NPAS3: variants seen among roughly 807,000 people sequenced by gnomAD.
NPAS3 encodes neuronal PAS domain-containing protein 3.
NPAS3 carries 14 observed loss-of-function variants against 73.1 expected under a neutral mutation model. That is an observed-to-expected ratio of 0.19 (90% CI 0.13 to 0.30). NPAS3 has a LOEUF of 0.30. Among genes scored for constraint, NPAS3 ranks in the 10% least tolerant of loss-of-function variants. The probability of loss-of-function intolerance (pLI) is 1.00; values close to 1 mark genes in which losing one functional copy is unlikely to be tolerated. For missense variants in NPAS3, 1,096 were observed against 1,250.0 expected, an observed-to-expected ratio of 0.88 and a Z score of 1.86; for synonymous variants, 620 against 541.5, an observed-to-expected ratio of 1.14 and a Z score of -2.01.
intron 5 of NPAS3, among the ~76,000 whole-genome samples, chr14:33,562,156 T>C (rs1291471624): frequency 2.0e-5 from 3 of 152,232 alleles, no homozygotes; most frequent in Non-Finnish European, 4.4e-5. Flanking sequence ...AAGAAAAATT[T>C]GGCTTTAACC....
At chr14:33,328,828 A>G (rs889738760) in intron 3 of NPAS3, among the ~76,000 whole-genome samples, 1 of 151,812 alleles carries the variant, frequency 6.6e-6, no homozygotes, top group African/African-American at 2.4e-5. Flanking sequence ...TGTTTCCTGA[A>G]ATTTGTATTT....
chr14:33,531,872 G>C (rs748181014), intron 4 of NPAS3, among the ~76,000 whole-genome samples: 51 of 152,184 alleles, frequency 3.4e-4, no homozygotes, highest in Non-Finnish European at 6.6e-4. Context: ...ATTCTGATAG[G>C]TGTGTGCTGG....
chr14:33,325,238 A>G (rs2043643582), intron 3 of NPAS3, among the ~76,000 whole-genome samples: 1 of 152,154 alleles, frequency 6.6e-6, no homozygotes, highest in African/African-American at 2.4e-5. Flanking sequence ...ATATTTTGAT[A>G]TAGGCGTGCA....
chr14:33,174,013 C>A (rs771781104), intron 2 of NPAS3, among the ~76,000 whole-genome samples: 15 of 152,196 alleles, frequency 9.9e-5, no homozygotes, highest in Non-Finnish European at 2.2e-4. Context: ...ATATTCGAAG[C>A]AAGTTCCTAT....
chr14:33,089,969 G>T (rs1360672218), intron 2 of NPAS3, among the ~76,000 whole-genome samples: 1 of 152,088 alleles, frequency 6.6e-6, no homozygotes, highest in East Asian at 1.9e-4. Flanking sequence ...GTCACCACCA[G>T]GTCTGCCCTA....
intron 2 of NPAS3, among the ~76,000 whole-genome samples, chr14:33,118,352 A>G (rs907051911): frequency 2.0e-5 from 3 of 152,146 alleles, no homozygotes; most frequent in African/African-American, 7.2e-5. Flanking sequence ...AATTGATTTA[A>G]TGACACTATA....
intron 4 of NPAS3, among the ~76,000 whole-genome samples, chr14:33,393,421 A>G (rs545193476): frequency 2.0e-5 from 3 of 152,220 alleles, no homozygotes; most frequent in African/African-American, 4.8e-5. Context: ...ACTATGCACT[A>G]CTTCATGCAT....
At chr14:33,010,798 A>G (rs910230288) in intron 1 of NPAS3, among the ~76,000 whole-genome samples, 1 of 151,898 alleles carries the variant, frequency 6.6e-6, no homozygotes, top group Non-Finnish European at 1.5e-5. Flanking sequence ...AACTGGGAGT[A>G]GTGGCATGCA....
intron 4 of NPAS3, among the ~76,000 whole-genome samples, chr14:33,530,708 A>G (rs1451735637): frequency 7.0e-6 from 1 of 143,824 alleles, no homozygotes; most frequent in African/African-American, 2.5e-5. Context: ...AATTATTTCC[A>G]TTGCCTTCAA....
chr14:33,719,647 A>G (rs1471321656), intron 6 of NPAS3, among the ~76,000 whole-genome samples: 1 of 152,188 alleles, frequency 6.6e-6, no homozygotes, highest in Non-Finnish European at 1.5e-5. Flanking sequence ...AACAAAATGG[A>G]AGTTGAACCA....
intron 2 of NPAS3, among the ~76,000 whole-genome samples, chr14:33,109,427 T>C (rs2042820028): frequency 6.6e-6 from 1 of 152,190 alleles, no homozygotes; most frequent in Non-Finnish European, 1.5e-5. Flanking sequence ...AGATATTCTC[T>C]AAAATCCTGT....
intron 6 of NPAS3, among the ~76,000 whole-genome samples, chr14:33,700,387 G>A (rs1411820348): frequency 6.6e-6 from 1 of 152,154 alleles, no homozygotes; most frequent in Non-Finnish European, 1.5e-5. Flanking sequence ...AATGGGGAGC[G>A]AAAATATGCA....
intron 9 of NPAS3, among the ~76,000 whole-genome samples, chr14:33,783,707 G>A (rs1419905935): frequency 3.9e-5 from 6 of 152,086 alleles, no homozygotes; most frequent in African/African-American, 9.7e-5. Context: ...CTCCAGCGGC[G>A]CATCCCTGCT....
At chr14:33,209,367 G>A (rs2046947393) in intron 2 of NPAS3, among the ~76,000 whole-genome samples, 1 of 152,124 alleles carries the variant, frequency 6.6e-6, no homozygotes, top group Non-Finnish European at 1.5e-5. Context: ...GGGGTGGGCT[G>A]TTTTACTAAA....
chr14:33,544,906 T>C (rs1222065027), intron 4 of NPAS3, among the ~76,000 whole-genome samples: 3 of 145,900 alleles, frequency 2.1e-5, no homozygotes, highest in East Asian at 2.0e-4. Context: ...GGTATGTGTA[T>C]ATAGATCCTA....
intron 6 of NPAS3, among the ~76,000 whole-genome samples, chr14:33,720,760 A>G (rs1251392645): frequency 6.6e-6 from 1 of 152,168 alleles, no homozygotes; most frequent in Non-Finnish European, 1.5e-5. Context: ...GGGGATACAT[A>G]TATTAAGCCC....
intron 6 of NPAS3, among the ~76,000 whole-genome samples, chr14:33,721,599 A>G (rs1426435002): frequency 6.6e-6 from 1 of 152,198 alleles, no homozygotes; most frequent in East Asian, 1.9e-4. Flanking sequence ...TGCACAATGA[A>G]TCGAAAATAT....
intron 2 of NPAS3, among the ~76,000 whole-genome samples, chr14:33,112,715 A>G (rs1220172543): frequency 1.3e-5 from 2 of 152,004 alleles, no homozygotes; most frequent in Non-Finnish European, 1.5e-5. Flanking sequence ...CATTGCTTTT[A>G]GTGTTTTAGA....
intron 4 of NPAS3, among the ~76,000 whole-genome samples, chr14:33,476,193 A>G (rs576515733): frequency 1.3e-5 from 2 of 152,362 alleles, no homozygotes; most frequent in East Asian, 1.9e-4. Flanking sequence ...CTTGTTGTCA[A>G]GATTGACCAT....
Sources: allele counts gnomAD v4.1 joint callset (sites outside exome capture counted in the v4.1 genomes callset), GRCh38; gene constraint gnomAD v4.1.1; transcripts MANE v1.5; gene names NCBI Gene and HGNC (gene_info 2026-07-23, HGNC 2026-07-21).